Variants in NTM observed in about 807,000 individuals in gnomAD.
The protein encoded by NTM is IgLON family member 2.
NTM carries 13 observed loss-of-function variants against 42.1 expected under a neutral mutation model. That is an observed-to-expected ratio of 0.31 (90% confidence interval 0.20 to 0.49). The LOEUF (loss-of-function observed/expected upper bound fraction) is 0.49, where lower values mean the gene tolerates loss of function less well. Ranked by LOEUF, NTM falls within the 20% of genes least tolerant of loss-of-function variation. The pLI is 0.99. For missense variants in NTM, 373 were observed against 452.8 expected (o/e 0.82, Z 1.60); for synonymous variants, 187 against 179.2 (o/e 1.04, Z -0.35).
intron 1 of NTM, among the ~76,000 whole-genome samples, chr11:131,888,529 T>G (rs1341238182): frequency 6.6e-6 from 1 of 152,146 alleles, no homozygotes. Context: ...CAAAGGTCAC[T>G]GCAGCATCCC....
intron 2 of NTM, among the ~76,000 whole-genome samples, chr11:131,946,532 T>C (rs1254377653): frequency 6.6e-6 from 1 of 152,192 alleles, no homozygotes; most frequent in East Asian, 1.9e-4. Context: ...TGCTAAAAGC[T>C]AGAGTTCAGT....
intron 1 of NTM, among the ~76,000 whole-genome samples, chr11:131,614,430 A>G (rs2061730399): frequency 6.6e-6 from 1 of 152,186 alleles, no homozygotes; most frequent in Non-Finnish European, 1.5e-5. Flanking sequence ...TTTCCCCAAA[A>G]TGGGTCTGTT....
rs1555263244 is a variant in NTM, at chr11:132,104,935, A to ACGTG, written c.168-41347_168-41346insCGTG. On this transcript the variant is annotated intron_variant, in intron 2 of 8. Coordinates refer to ENST00000683400, the MANE Select transcript of NTM (RefSeq NM_001352005.2). Reference sequence around the variant, plus strand: ...CCTCTCTCTCTCTCCATATATACATATGTATATATATATATATATATATAT... The same window carrying ACGTG: ...CCTCTCTCTCTCTCCATATATACATACGTGTGTATATATATATATATATATATAT... 1.1e-3 allele frequency among the ~76,000 whole-genome samples: 21 copies of ACGTG among 19,996 alleles called. 1 individual carries two copies. The highest frequency in any genetic ancestry group is 3.8e-3 in the African/African-American group (20 of 5,238). 13.1% of individuals were successfully genotyped at this position (19,996 alleles called of 152,430 possible).
chr11:131,800,410 C>T (rs989066869), intron 1 of NTM, among the ~76,000 whole-genome samples: 2 of 152,248 alleles, frequency 1.3e-5, no homozygotes, highest in Non-Finnish European at 2.9e-5. Context: ...GGCCCCAAGG[C>T]TCTCCATGGG....
intron 1 of NTM, among the ~76,000 whole-genome samples, chr11:131,745,808 G>A (rs2081751895): frequency 6.6e-6 from 1 of 152,098 alleles, no homozygotes; most frequent in Admixed American, 6.5e-5. Context: ...TATTTCTTGG[G>A]AAATATTTCT....
At chr11:131,815,624 C>A (rs2092920493) in intron 1 of NTM, among the ~76,000 whole-genome samples, 1 of 152,168 alleles carries the variant, frequency 6.6e-6, no homozygotes, top group South Asian at 2.1e-4. Flanking sequence ...ACCCAACCCC[C>A]ACTTCCCCCC....
intron 4 of NTM, among the ~76,000 whole-genome samples, chr11:132,247,076 G>A (rs2091286403): frequency 6.6e-6 from 1 of 152,186 alleles, no homozygotes; most frequent in African/African-American, 2.4e-5. Context: ...GCCTCTTTGG[G>A]AAACCTTCCT....
chr11:131,584,027 T>C (rs2058641438), intron 1 of NTM, among the ~76,000 whole-genome samples: 1 of 152,212 alleles, frequency 6.6e-6, no homozygotes. Context: ...CTACAAGTGA[T>C]GTTTTATGAA....
intron 3 of NTM, among the ~76,000 whole-genome samples, chr11:132,175,605 T>C (rs4529886): frequency 0.57 from 85,621 of 150,162 alleles, 25,209 homozygotes; most frequent in Non-Finnish European, 0.64. Context: ...CTTTTTTTTT[T>C]CAGACAGAGT....
chr11:131,468,359 G>A (rs1351593699), intron 1 of NTM, among the ~76,000 whole-genome samples: 1 of 152,162 alleles, frequency 6.6e-6, no homozygotes, highest in Non-Finnish European at 1.5e-5. Context: ...AATGTTGCTC[G>A]GTGCTTAATG....
At chr11:131,620,540 C>A (rs1325403959) in intron 1 of NTM, among the ~76,000 whole-genome samples, 2 of 152,212 alleles carry the variant, frequency 1.3e-5, no homozygotes, top group East Asian at 3.9e-4. Context: ...CCCTTGCTCA[C>A]TCAGCCCCAG....
At chr11:131,668,223 T>G (rs1442931185) in intron 1 of NTM, among the ~76,000 whole-genome samples, 7 of 151,420 alleles carry the variant, frequency 4.6e-5, no homozygotes, top group African/African-American at 4.9e-5. Context: ...CTTTGTGTCA[T>G]GCATATATGT....
At chr11:131,940,937 A>C (rs1266538481) in intron 2 of NTM, among the ~76,000 whole-genome samples, 3 of 152,256 alleles carry the variant, frequency 2.0e-5, no homozygotes, top group Non-Finnish European at 2.9e-5. Flanking sequence ...ATACGGGTGC[A>C]AATGATAAAA....
chr11:131,472,233 A>G (rs756728586), intron 1 of NTM, among the ~76,000 whole-genome samples: 4 of 152,198 alleles, frequency 2.6e-5, no homozygotes, highest in Non-Finnish European at 2.9e-5. Context: ...GTTTAATTAC[A>G]CTGGGTATCC....
At chr11:132,165,740 G>A (rs1194603719) in intron 3 of NTM, among the ~76,000 whole-genome samples, 1 of 152,194 alleles carries the variant, frequency 6.6e-6, no homozygotes, top group Non-Finnish European at 1.5e-5. Flanking sequence ...CCATCCCTAA[G>A]AGGCTGAGCT....
intron 2 of NTM, among the ~76,000 whole-genome samples, chr11:131,943,844 C>T (rs573455111): frequency 6.6e-6 from 1 of 152,288 alleles, no homozygotes; most frequent in African/African-American, 2.4e-5. Flanking sequence ...TCATCCCCCA[C>T]ACATCCATGG....
At chr11:132,048,818 CT>C (rs10563617) in intron 2 of NTM, among the ~76,000 whole-genome samples, 19,958 of 132,650 alleles carry the variant, frequency 0.15, 1,498 homozygotes, top group Middle Eastern at 0.21. Flanking sequence ...TTTCTTTTTT[CT>C]TTTTTTTTTT....
chr11:131,839,029 C>T (rs1050050558), intron 1 of NTM, among the ~76,000 whole-genome samples: 2 of 151,052 alleles, frequency 1.3e-5, no homozygotes, highest in Admixed American at 6.6e-5. Flanking sequence ...GGCGCAATCT[C>T]GGCTCACTGC....
At chr11:131,962,462 G>A (rs767433059) in intron 2 of NTM, among the ~76,000 whole-genome samples, 67 of 152,106 alleles carry the variant, frequency 4.4e-4, no homozygotes, top group African/African-American at 1.5e-3. Flanking sequence ...GCCTTTATAC[G>A]AAGAGACACA....
Sources: allele counts gnomAD v4.1 joint callset (sites outside exome capture counted in the v4.1 genomes callset), GRCh38; gene constraint gnomAD v4.1.1; transcripts MANE v1.5; gene names NCBI Gene and HGNC (gene_info 2026-07-23, HGNC 2026-07-21).